The following MACROD2 variants were observed in gnomAD, a reference collection of about 807,000 sequenced individuals.
MACROD2 encodes the protein ADP-ribose glycohydrolase MACROD2.
MACROD2 carries 36 observed loss-of-function variants against 70.4 expected under a neutral mutation model. The observed-to-expected ratio is 0.51, with a 90% CI of 0.39 to 0.68. MACROD2 has a LOEUF of 0.68. MACROD2 is among the 30% of genes least tolerant of loss of function. The pLI, the probability that MACROD2 is intolerant of heterozygous loss-of-function variation, is 0.00. For missense variants in MACROD2, 496 were observed against 538.4 expected (o/e 0.92, Z 0.78); for synonymous variants, 172 against 178.8 (o/e 0.96, Z 0.30).
At chr20:14,936,215 C>G (rs2074339243) in intron 5 of MACROD2, among the ~76,000 whole-genome samples, 1 of 152,104 alleles carries the variant, frequency 6.6e-6, no homozygotes, top group Non-Finnish European at 1.5e-5. Context: ...GAGTTGAAAA[C>G]TGAAGGTCAA....
intron 4 of MACROD2, among the ~76,000 whole-genome samples, chr20:14,582,694 C>A (rs992245587): frequency 6.6e-6 from 1 of 151,970 alleles, no homozygotes. Context: ...TCTTCTGTTG[C>A]CCAGAAAATA....
At chr20:15,466,433 A>T (rs1189978298) in intron 7 of MACROD2, among the ~76,000 whole-genome samples, 1 of 152,198 alleles carries the variant, frequency 6.6e-6, no homozygotes, top group African/African-American at 2.4e-5. Flanking sequence ...AAAGAACACA[A>T]GATGGTGTGA....
At chr20:14,293,094 T>G (rs930474609) in intron 3 of MACROD2, among the ~76,000 whole-genome samples, 2 of 151,870 alleles carry the variant, frequency 1.3e-5, no homozygotes, top group Non-Finnish European at 2.9e-5. Context: ...CCAGTGACTT[T>G]GTCAAGTTTA....
rs1461289212 is a variant in MACROD2 at position 14,493,460 on chromosome 20, T to G, written c.272-19T>G. The G allele has an allele frequency of 6.2e-7, 1 of 1,601,852 alleles. No individual in the cohort carries two copies. Among genetic ancestry groups the G allele is most frequent in the Non-Finnish European group, 8.5e-7 (1 of 1,170,902 alleles). On this transcript the variant is annotated intron_variant, in intron 3 of 17. Transcript: ENST00000684519. The stretch of plus-strand genomic sequence containing the variant: ...ATACATATTATTTAATGTCTTTTGT[T>G]GTGTTTTGTTTTAAACAGCAAATGC...
intron 5 of MACROD2, among the ~76,000 whole-genome samples, chr20:14,964,879 G>A (rs1356527655): frequency 6.6e-6 from 1 of 152,192 alleles, no homozygotes; most frequent in African/African-American, 2.4e-5. Flanking sequence ...CTCAAGTGGT[G>A]AAGCAGGTAT....
intron 8 of MACROD2, among the ~76,000 whole-genome samples, chr20:15,721,449 T>G (rs1248813137): frequency 1.3e-5 from 2 of 152,204 alleles, no homozygotes; most frequent in African/African-American, 2.4e-5. Flanking sequence ...CCTTTCTTGA[T>G]CTCTGTTGTT....
At chr20:15,609,309 G>C (rs932242351) in intron 8 of MACROD2, among the ~76,000 whole-genome samples, 8 of 152,196 alleles carry the variant, frequency 5.3e-5, no homozygotes, top group Non-Finnish European at 1.0e-4. Context: ...TTTCTGAAAT[G>C]AGAATTGGAG....
chr20:16,044,652 T>A lies in MACROD2; in HGVS notation c.1300+13T>A. 1 of 1,606,764 alleles carries A rather than the reference T, an allele frequency of 6.2e-7. No individual in the cohort carries two copies. Among genetic ancestry groups the A allele is most frequent in the Non-Finnish European group, 8.5e-7 (1 of 1,173,864 alleles). The stretch of plus-strand genomic sequence containing the variant: ...GATCAACTAATAGGTAAGATGCCCC[T>A]TGTGGTGAGATTTTCAATGATCAAC... On this transcript the variant is annotated intron_variant, in intron 17 of 17. Coordinates refer to ENST00000684519, the MANE Select transcript of MACROD2 (RefSeq NM_001351661.2).
intron 6 of MACROD2, among the ~76,000 whole-genome samples, chr20:15,429,452 C>T (rs916280509): frequency 6.6e-6 from 1 of 152,074 alleles, no homozygotes; most frequent in African/African-American, 2.4e-5. Flanking sequence ...AAGCATATAT[C>T]ATTTTACAGA....
chr20:15,124,387 T>A, intron 5 of MACROD2, among the ~76,000 whole-genome samples: 1 of 148,616 alleles, frequency 6.7e-6, no homozygotes, highest in Admixed American at 6.7e-5. Flanking sequence ...AAAGATAAAA[T>A]TACAAGCTTT....
chr20:15,956,738 G>T (rs1601210395), intron 12 of MACROD2, among the ~76,000 whole-genome samples: 1 of 152,216 alleles, frequency 6.6e-6, no homozygotes, highest in Non-Finnish European at 1.5e-5. Context: ...GAAGCTCTGG[G>T]GTTGGGGCCC....
intron 10 of MACROD2, chr20:15,893,972 C>T: frequency 2.2e-6 from 1 of 456,460 alleles, no homozygotes; most frequent in Non-Finnish European, 4.4e-6. Flanking sequence ...GAGTCCTGCA[C>T]TGGGCAGGAA....
chr20:14,850,436 T>G (rs140342185), intron 5 of MACROD2: 2 of 153,282 alleles, frequency 1.3e-5, no homozygotes, highest in Admixed American at 1.3e-4. Context: ...GTACACATGC[T>G]GACTTCCTTC....
At chr20:15,432,198 A>C (rs2046372005) in intron 7 of MACROD2, among the ~76,000 whole-genome samples, 1 of 152,072 alleles carries the variant, frequency 6.6e-6, no homozygotes, top group Admixed American at 6.6e-5. Context: ...AATATGTAAA[A>C]ATCTAACATA....
At chr20:15,090,663 G>A (rs1336121269) in intron 5 of MACROD2, among the ~76,000 whole-genome samples, 1 of 152,066 alleles carries the variant, frequency 6.6e-6, no homozygotes, top group African/African-American at 2.4e-5. Flanking sequence ...GGCAAACTCA[G>A]GAGAGCTGAG....
At chr20:14,959,424 C>T (rs2074564509) in intron 5 of MACROD2, among the ~76,000 whole-genome samples, 1 of 152,116 alleles carries the variant, frequency 6.6e-6, no homozygotes, top group African/African-American at 2.4e-5. Flanking sequence ...GCCGCCGCAC[C>T]CAACTGTCCC....
intron 3 of MACROD2, among the ~76,000 whole-genome samples, chr20:14,429,712 G>T (rs1354947190): frequency 6.6e-6 from 1 of 152,136 alleles, no homozygotes; most frequent in Non-Finnish European, 1.5e-5. Context: ...AGAAGAGCTT[G>T]CTTGGCTATG....
intron 5 of MACROD2, among the ~76,000 whole-genome samples, chr20:15,039,917 G>A (rs1385039209): frequency 1.3e-5 from 2 of 152,064 alleles, no homozygotes; most frequent in Non-Finnish European, 2.9e-5. Flanking sequence ...TTTCTGGAGA[G>A]GTAGGTGTCT....
intron 8 of MACROD2, among the ~76,000 whole-genome samples, chr20:15,799,578 A>G (rs918204052): frequency 6.6e-6 from 1 of 152,234 alleles, no homozygotes; most frequent in African/African-American, 2.4e-5. Context: ...TTCACTTAAA[A>G]TAATGCCTCC....
Sources: gnomAD v4.1 joint callset for allele counts (sites outside exome capture counted in the v4.1 genomes callset) on GRCh38, gnomAD v4.1.1 for gene constraint, MANE v1.5 for transcripts, NCBI Gene and HGNC (gene_info 2026-07-23, HGNC 2026-07-21) for gene names.